The following MSRA variants were observed in gnomAD, a reference collection of about 807,000 sequenced individuals.
MSRA encodes methionine sulfoxide reductase A.
In MSRA, 54 loss-of-function variants were observed where a neutral mutation model predicts 31.3. The ratio of observed to expected loss-of-function variants is 1.73; its 90% CI spans 1.39 to 2.17. MSRA has a LOEUF of 2.17. Ranked by LOEUF, MSRA falls within the 30% of genes most tolerant of loss-of-function variation. MSRA has a pLI of 0.00. For synonymous variants in MSRA, 169 were observed against 116.5 expected (o/e 1.45, Z -2.90); for missense variants, 507 against 300.9 (o/e 1.69, Z -5.07).
intron 3 of MSRA, among the ~76,000 whole-genome samples, chr8:10,266,534 T>G (rs575012085): frequency 6.6e-6 from 1 of 152,206 alleles, no homozygotes. Flanking sequence ...AGTCTGTGGC[T>G]TGTCTTAGCA....
intron 2 of MSRA, among the ~76,000 whole-genome samples, chr8:10,225,879 T>C (rs559803145): frequency 6.6e-6 from 1 of 151,826 alleles, no homozygotes; most frequent in Non-Finnish European, 1.5e-5. Flanking sequence ...GGGAGGAAAA[T>C]GGTTGGGAGA....
chr8:10,078,581 A>T (rs538672637), intron 1 of MSRA, among the ~76,000 whole-genome samples: 1 of 152,364 alleles, frequency 6.6e-6, no homozygotes, highest in South Asian at 2.1e-4. Flanking sequence ...TGGGAGCTGT[A>T]AACTGTGAAA....
At chr8:10,273,028 A>G (rs956121996) in intron 3 of MSRA, among the ~76,000 whole-genome samples, 1 of 152,220 alleles carries the variant, frequency 6.6e-6, no homozygotes, top group African/African-American at 2.4e-5. Flanking sequence ...ATGGTTTGTG[A>G]AAAAGTAGAC....
At chr8:10,351,610 G>A (rs958335713) in intron 5 of MSRA, among the ~76,000 whole-genome samples, 5 of 152,166 alleles carry the variant, frequency 3.3e-5, no homozygotes, top group African/African-American at 4.8e-5. Flanking sequence ...TTCTGTGAAC[G>A]TCTGGTACTT....
At chr8:10,232,923 C>G (rs996594697) in intron 2 of MSRA, among the ~76,000 whole-genome samples, 4 of 152,182 alleles carry the variant, frequency 2.6e-5, no homozygotes, top group Non-Finnish European at 5.9e-5. Context: ...GTGCTTAAGT[C>G]ATGATGTAAG....
In MSRA at chr8:10,301,644, G is replaced by C. The variant is rs927256596; in HGVS notation, c.436+6G>C. On this transcript the variant is annotated splice_donor_region_variant and intron_variant, in intron 4 of 5. Coordinates refer to ENST00000317173, the MANE Select transcript of MSRA (RefSeq NM_012331.5). The stretch of plus-strand genomic sequence containing the variant: ...GAATCACGACCCGACCCAAGGTAGA[G>C]TGATGAGTGAGCCAGTATTTAATTA... 6.2e-7 allele frequency: 1 copy of C among 1,603,296 alleles called. No homozygotes were observed. The highest frequency in any genetic ancestry group is 1.3e-5 in the African/African-American group (1 of 74,654).
At chr8:10,174,037 G>A (rs1433088540) in intron 1 of MSRA, among the ~76,000 whole-genome samples, 2 of 152,136 alleles carry the variant, frequency 1.3e-5, no homozygotes, top group African/African-American at 2.4e-5. Context: ...GTATCTTCTA[G>A]CTTGGAACTC....
chr8:10,080,418 A>G (rs1798235051), intron 1 of MSRA, among the ~76,000 whole-genome samples: 1 of 151,940 alleles, frequency 6.6e-6, no homozygotes, highest in Non-Finnish European at 1.5e-5. Context: ...TGGAAGGAGA[A>G]CCGTGCTGTG....
At chr8:10,423,193 C>A (rs529117734) in intron 5 of MSRA, among the ~76,000 whole-genome samples, 1 of 152,322 alleles carries the variant, frequency 6.6e-6, no homozygotes, top group South Asian at 2.1e-4. Flanking sequence ...GGTCCCCACC[C>A]TCTTCCTCCT....
At chr8:10,076,089 T>TA (rs35764121) in intron 1 of MSRA, among the ~76,000 whole-genome samples, 81,026 of 152,104 alleles carry the variant, frequency 0.53, 23,587 homozygotes, top group Middle Eastern at 0.66. Context: ...GTCATGTGCT[T>TA]ACTGGCTGTG....
intron 1 of MSRA, among the ~76,000 whole-genome samples, chr8:10,075,174 T>G (rs889456844): frequency 6.6e-6 from 1 of 152,228 alleles, no homozygotes; most frequent in African/African-American, 2.4e-5. Flanking sequence ...ATTGCAAATT[T>G]AATGAGAGCT....
intron 1 of MSRA, among the ~76,000 whole-genome samples, chr8:10,060,366 A>G (rs994741354): frequency 6.6e-6 from 1 of 152,244 alleles, no homozygotes; most frequent in East Asian, 1.9e-4. Context: ...TCAACAGTGT[A>G]TATATACAGT....
chr8:10,213,786 C>A (rs925405985), intron 2 of MSRA, among the ~76,000 whole-genome samples: 4 of 152,048 alleles, frequency 2.6e-5, no homozygotes, highest in Non-Finnish European at 5.9e-5. Context: ...CTGCAGCAAA[C>A]CTGGGAGTGC....
At chr8:10,408,769 A>G (rs62493467) in intron 5 of MSRA, among the ~76,000 whole-genome samples, 20,938 of 133,644 alleles carry the variant, frequency 0.16, 2,497 homozygotes, top group East Asian at 0.47. Flanking sequence ...TCCAGTAACT[A>G]TTATGTTCTT....
chr8:10,384,120 G>C (rs1002117064), intron 5 of MSRA, among the ~76,000 whole-genome samples: 2 of 152,176 alleles, frequency 1.3e-5, no homozygotes, highest in African/African-American at 4.8e-5. Flanking sequence ...CCCAGAGCTT[G>C]TACCTTAAAT....
intron 2 of MSRA, among the ~76,000 whole-genome samples, chr8:10,244,380 TC>T (rs368601039): frequency 1.8e-3 from 271 of 152,296 alleles, no homozygotes; most frequent in African/African-American, 6.0e-3. Context: ...GTGATTTTCA[TC>T]AGATGTTCAA....
chr8:10,378,555 C>G (rs1805878167), intron 5 of MSRA, among the ~76,000 whole-genome samples: 1 of 152,202 alleles, frequency 6.6e-6, no homozygotes, highest in Non-Finnish European at 1.5e-5. Flanking sequence ...CTGTGGCCAT[C>G]AGAACCCAAG....
At chr8:10,064,812 C>G (rs899015504) in intron 1 of MSRA, among the ~76,000 whole-genome samples, 1 of 152,100 alleles carries the variant, frequency 6.6e-6, no homozygotes, top group Non-Finnish European at 1.5e-5. Context: ...ACAAATTATT[C>G]TTTGGCCTGC....
intron 1 of MSRA, among the ~76,000 whole-genome samples, chr8:10,182,582 A>C (rs1031732945): frequency 6.6e-6 from 1 of 152,076 alleles, no homozygotes; most frequent in African/African-American, 2.4e-5. Flanking sequence ...TTTTTTATTT[A>C]TTGTGGGCAC....
Sources: allele counts gnomAD v4.1 joint callset (sites outside exome capture counted in the v4.1 genomes callset), GRCh38; gene constraint gnomAD v4.1.1; transcripts MANE v1.5; gene names NCBI Gene and HGNC (gene_info 2026-07-23, HGNC 2026-07-21).